The following RSF1 variants were observed in gnomAD, a reference collection of about 807,000 sequenced individuals.
RSF1 encodes the protein remodeling and spacing factor 1.
A neutral mutation model predicts 145.2 loss-of-function variants in RSF1; 13 were observed. The ratio of observed to expected loss-of-function variants is 0.09; its 90% confidence interval spans 0.06 to 0.14. The LOEUF (loss-of-function observed/expected upper bound fraction) is 0.14, where lower values mean the gene tolerates loss of function less well. Among genes scored for constraint, RSF1 ranks in the 10% least tolerant of loss-of-function variants. The probability of loss-of-function intolerance (pLI) is 1.00; values close to 1 mark genes in which losing one functional copy is unlikely to be tolerated. For missense variants in RSF1, 1,517 were observed against 1,718.2 expected, an observed-to-expected ratio of 0.88 and a Z score of 2.07; for synonymous variants, 577 against 592.6, an observed-to-expected ratio of 0.97 and a Z score of 0.38.
At chr11:77,710,633 T>C (rs764030624) in intron 5 of RSF1, among the ~76,000 whole-genome samples, 6 of 152,170 alleles carry the variant, frequency 3.9e-5, no homozygotes, top group Admixed American at 3.3e-4. Context: ...GTTGAGGAGT[T>C]CTTTATTAAG....
chr11:77,692,233 ATTTTT>A (rs71046904), intron 8 of RSF1, among the ~76,000 whole-genome samples: 26 of 49,472 alleles, frequency 5.3e-4, no homozygotes, highest in East Asian at 1.3e-3. Context: ...CTACTTTTAA[ATTTTT>A]TTTTTTTTTT....
chr11:77,708,246 C>T (rs1283638155), intron 5 of RSF1, among the ~76,000 whole-genome samples: 1 of 152,092 alleles, frequency 6.6e-6, no homozygotes, highest in Non-Finnish European at 1.5e-5. Context: ...ATAATAAAAC[C>T]CGTCTCGACC....
chr11:77,730,144 G>A (rs1002735595), intron 4 of RSF1, among the ~76,000 whole-genome samples: 1 of 151,994 alleles, frequency 6.6e-6, no homozygotes. Flanking sequence ...ACATAGAGAG[G>A]TATGGTAATT....
the RSF1 span, among the ~76,000 whole-genome samples, chr11:77,857,193 C>T: frequency 5.3e-4 from 81 of 152,080 alleles, no homozygotes; most frequent in African/African-American, 1.8e-3. Flanking sequence ...TTAAGTGCCA[C>T]GGTAGATGAA....
Position 77,666,754 on chromosome 11 carries a change from A to T in RSF1, c.*163T>A. 1 of 493,320 alleles carries T rather than the reference A, an allele frequency of 2.0e-6. No homozygotes were observed. 30.6% of individuals were successfully genotyped at this position (493,320 alleles called of 1,614,324 possible). A position where few individuals can be genotyped will look rare whatever the true frequency, so the allele number is the denominator to read the frequency against. ...GCAATTATTTATCTTCAAAGTTCAG[A>T]ACTGGTCACTTCACAGAAAGACTTC... On this transcript the variant is annotated 3_prime_UTR_variant, in exon 16 of 16. Transcript: ENST00000308488.
At chr11:77,760,445 G>T (rs1948159697) in intron 2 of RSF1, among the ~76,000 whole-genome samples, 1 of 152,236 alleles carries the variant, frequency 6.6e-6, no homozygotes, top group East Asian at 1.9e-4. Flanking sequence ...ACAGATACAA[G>T]GCTTCTTACT....
chr11:77,851,776 G>C, the RSF1 span, among the ~76,000 whole-genome samples: 1 of 152,060 alleles, frequency 6.6e-6, no homozygotes, highest in Non-Finnish European at 1.5e-5. Context: ...CAGAAGTCAA[G>C]CAGATGCTGG....
chr11:77,786,777 A>G (rs1366896610), intron 1 of RSF1, among the ~76,000 whole-genome samples: 1 of 152,246 alleles, frequency 6.6e-6, no homozygotes. Context: ...AATATGGAGT[A>G]ATAAGGACAA....
chr11:77,757,015 C>T (rs1948122847), intron 2 of RSF1, among the ~76,000 whole-genome samples: 1 of 152,178 alleles, frequency 6.6e-6, no homozygotes, highest in Admixed American at 6.5e-5. Context: ...AGAGGAAACA[C>T]TAACTCAAGC....
At chr11:77,821,205 C>A, upstream of RSF1, 1 of 304,908 alleles carries the variant, frequency 3.3e-6, no homozygotes, top group Non-Finnish European at 6.0e-6. Context: ...AGCACTGCGC[C>A]GTTTGGGAAC....
At chr11:77,841,018 G>T in the RSF1 span, 2 of 557,964 alleles carry the variant, frequency 3.6e-6, no homozygotes, top group Admixed American at 3.0e-5. Flanking sequence ...TTTTCTCACA[G>T]TTCTGGAGGC....
intron 8 of RSF1, among the ~76,000 whole-genome samples, chr11:77,692,223 C>G (rs1485497366): frequency 1.8e-5 from 2 of 108,706 alleles, no homozygotes; most frequent in East Asian, 2.9e-4. Context: ...ATAATTATTA[C>G]TACTTTTAAA....
chr11:77,810,309 T>C (rs1948717898), intron 1 of RSF1, among the ~76,000 whole-genome samples: 1 of 152,210 alleles, frequency 6.6e-6, no homozygotes, highest in African/African-American at 2.4e-5. Context: ...GCTCCCATCC[T>C]GGCATTGCCT....
At chr11:77,718,648 C>T (rs576984389) in intron 5 of RSF1, among the ~76,000 whole-genome samples, 22 of 152,116 alleles carry the variant, frequency 1.4e-4, no homozygotes, top group Non-Finnish European at 3.1e-4. Context: ...GAATGGTGCT[C>T]TTATAAGATC....
At chr11:77,858,302 CTTTTTTTT>C in the RSF1 span, among the ~76,000 whole-genome samples, 58 of 69,362 alleles carry the variant, frequency 8.4e-4, 1 homozygote, top group African/African-American at 3.5e-3. Flanking sequence ...TTAAGCAATT[CTTTTTTTT>C]TTTTTTTTTT....
Position 77,702,306 on chromosome 11 carries a change from A to G in RSF1, c.923T>C (p.Ile308Thr). The stretch of plus-strand genomic sequence containing the variant: ...CTTGAAGGAATCACTTTCTTCTTTG[A>G]TAATCTTTTTTTCTTCATTTTCTGG... ...PLPENEEKKI[I>T]KEESDSFKEN... The change falls in exon 6 of 16, where the codon ATC becomes ACC. Residue 308 changes from isoleucine (I) to threonine (T), a missense_variant. By Grantham distance (89) the Ile-to-Thr change is moderately conservative (BLOSUM62 -1). Coordinates refer to ENST00000308488, the MANE Select transcript of RSF1 (RefSeq NM_016578.4). The G allele has an allele frequency of 6.2e-7, 1 of 1,609,416 alleles. No individual in the cohort carries two copies. The highest frequency in any genetic ancestry group is 1.1e-5 in the South Asian group (1 of 89,566).
chr11:77,777,920 C>A (rs1367409921), intron 1 of RSF1, among the ~76,000 whole-genome samples: 1 of 150,258 alleles, frequency 6.7e-6, no homozygotes, highest in Non-Finnish European at 1.5e-5. Context: ...AAAGAAGCAT[C>A]ATTATCTCAA....
At chr11:77,824,667 A>C (rs934771532), upstream of RSF1, among the ~76,000 whole-genome samples, 1 of 152,168 alleles carries the variant, frequency 6.6e-6, no homozygotes, top group Admixed American at 6.5e-5. Flanking sequence ...GGTCAAAACT[A>C]ATCTGTGGCA....
intron 2 of RSF1, among the ~76,000 whole-genome samples, chr11:77,755,244 G>T (rs1686665304): frequency 6.6e-6 from 1 of 152,140 alleles, no homozygotes; most frequent in Non-Finnish European, 1.5e-5. Flanking sequence ...GGCCAATGGT[G>T]GCATGCATTA....
Sources: allele counts gnomAD v4.1 joint callset (sites outside exome capture counted in the v4.1 genomes callset), GRCh38; gene constraint gnomAD v4.1.1; transcripts MANE v1.5; gene names NCBI Gene and HGNC (gene_info 2026-07-23, HGNC 2026-07-21).